SCGB1D1: variants seen among roughly 807,000 people sequenced by gnomAD.
SCGB1D1 encodes secretoglobin family 1D member 1, also known as lipophilin A (uteroglobin family member).
In SCGB1D1, 10 loss-of-function variants were observed where a neutral mutation model predicts 8.3. The observed-to-expected ratio is 1.21, with a 90% CI of 0.74 to 2.05. The LOEUF is 2.05. SCGB1D1 is among the 30% of genes most tolerant of loss of function. The pLI is 0.00. For synonymous variants in SCGB1D1, 46 were observed against 41.7 expected (o/e 1.10, Z -0.39); for missense variants, 94 against 105.1 (o/e 0.89, Z 0.46).
chr11:62,191,905 A>T, intron 1 of SCGB1D1, 151 bp from the exon 2 acceptor site: 1 of 606,972 alleles, frequency 1.6e-6, no homozygotes, highest in East Asian at 2.8e-5. Flanking sequence ...ACCTCAAGGA[A>T]GTCACAACCT....
Position 62,190,322 on chromosome 11 carries a change from C to G in SCGB1D1, c.38C>G (p.Ala13Gly). ...GTGTGTCTCCTGCTGCTCACGCTGG[C>G]CCTTTGCTGCTACCGGGGTGAGTAC... ...LSVCLLLLTL[A>G]LCCYRANAVV... Residue 13 changes from alanine (A) to glycine (G), a missense_variant, in exon 1 of 3, where the codon GCC becomes GGC. Coordinates refer to ENST00000306238, the MANE Select transcript of SCGB1D1 (RefSeq NM_006552.2). 4.3e-6 allele frequency: 7 copies of G among 1,614,180 alleles called. No individual in the cohort carries two copies. Among genetic ancestry groups the G allele is most frequent in the Non-Finnish European group, 5.9e-6 (7 of 1,180,028 alleles).
Position 62,190,223 on chromosome 11 carries a change from C to G in SCGB1D1, c.-62C>G, listed in dbSNP as rs528882794. On this transcript the variant is annotated 5_prime_UTR_variant, in exon 1 of 3. Transcript: ENST00000306238. ...TGGGCTCCACGGCTCCACAGGCTCC[C>G]GGGGCTGAGTCTAAATCACTCATCA... 3.7e-6 allele frequency: 6 copies of G among 1,607,550 alleles called. No homozygotes were observed. In the South Asian group the frequency reaches 5.5e-5, roughly 15 times the overall value.
chr11:62,190,257 A>G lies in SCGB1D1; in HGVS notation c.-28A>G, dbSNP rs1214022612. 1.2e-6 allele frequency: 2 copies of G among 1,614,076 alleles called. No homozygotes were observed. Among genetic ancestry groups the G allele is most frequent in the South Asian group, 1.1e-5 (1 of 91,070 alleles). The stretch of plus-strand genomic sequence containing the variant: ...GTCTAAATCACTCATCATTGGTTAA[A>G]GCCGAGCTCACAGCAGAATAAGCCA... On this transcript the variant is annotated 5_prime_UTR_variant, in exon 1 of 3. Coordinates refer to ENST00000306238, the MANE Select transcript of SCGB1D1 (RefSeq NM_006552.2).
intron 1 of SCGB1D1, among the ~76,000 whole-genome samples, chr11:62,191,821 TA>T (rs142639806): frequency 3.3e-5 from 5 of 149,304 alleles, no homozygotes; most frequent in East Asian, 3.9e-4. Flanking sequence ...GAGTGTGCTT[TA>T]AAAAAAAAAC....
At chr11:62,191,422 G>A (rs1409392791) in intron 1 of SCGB1D1, among the ~76,000 whole-genome samples, 1 of 152,180 alleles carries the variant, frequency 6.6e-6, no homozygotes, top group Admixed American at 6.5e-5. Flanking sequence ...AGATGCTGCT[G>A]CAGAATATGG....
Position 62,193,491 on chromosome 11 carries a change from A to G in SCGB1D1, c.*63A>G. 7.2e-7 allele frequency: 1 copy of G among 1,387,862 alleles called. No individual in the cohort carries two copies. The allele number at this position is 1,387,862 out of a possible 1,614,324, so 86.0% of individuals were successfully genotyped here. A position where few individuals can be genotyped will look rare whatever the true frequency, so the allele number is the denominator to read the frequency against. On this transcript the variant is annotated 3_prime_UTR_variant, in exon 3 of 3. Coordinates refer to ENST00000306238, the MANE Select transcript of SCGB1D1 (RefSeq NM_006552.2). The stretch of plus-strand genomic sequence containing the variant: ...TCAATGATACCCTGATCTTCACTGC[A>G]GAATGTAAAGGTTTCAACGTCTTGC...
intron 2 of SCGB1D1, 35 bp from the exon 3 acceptor site, chr11:62,193,364 G>C (rs536771504): frequency 6.2e-7 from 1 of 1,607,172 alleles, no homozygotes; most frequent in African/African-American, 1.3e-5. Context: ...CTGCATGACC[G>C]ACCTCACCTT....
Position 62,193,023 on chromosome 11 carries a change from G to C in SCGB1D1, c.244-376G>C, listed in dbSNP as rs546490034. Among the ~76,000 whole-genome samples the C allele has an allele frequency of 7.9e-5, 12 of 152,276 alleles. No individual in the cohort carries two copies. The East Asian group carries it at 1.9e-3, about 24-fold the overall frequency. On this transcript the variant is annotated intron_variant, in intron 2 of 2. Transcript: ENST00000306238. ...TGAGGCAGAATTCCCACATGGGGAG[G>C]CTGGAGTCTCCTGGAAGCCAAGCTT...
chr11:62,191,036 T>C (rs1236852880), intron 1 of SCGB1D1, among the ~76,000 whole-genome samples: 4 of 152,224 alleles, frequency 2.6e-5, no homozygotes, highest in African/African-American at 9.6e-5. Context: ...ACTACAATGG[T>C]TAGCCTCAGA....
rs773412326 is a variant in SCGB1D1 at position 62,190,323 on chromosome 11, C to T, written c.39C>T (p.Ala13=). The change falls in exon 1 of 3, where the codon GCC becomes GCT. Residue 13 remains alanine, a synonymous_variant. Coordinates refer to ENST00000306238, the MANE Select transcript of SCGB1D1 (RefSeq NM_006552.2). ...TGTGTCTCCTGCTGCTCACGCTGGC[C>T]CTTTGCTGCTACCGGGGTGAGTACA... is the stretch of plus-strand genomic sequence containing the variant. ...LSVCLLLLTL[A]LCCYRANAVV... is the part of the protein sequence containing the mutation. 2.5e-6 allele frequency: 4 copies of T among 1,614,154 alleles called. No individual in the cohort carries two copies. Among genetic ancestry groups the T allele is most frequent in the Non-Finnish European group, 3.4e-6 (4 of 1,180,016 alleles).
rs1295212404 is a variant in SCGB1D1 at position 62,193,431 on chromosome 11, T to A, written c.*3T>A. On this transcript the variant is annotated 3_prime_UTR_variant, in exon 3 of 3. Transcript: ENST00000306238. Reference sequence around the variant, plus strand: ...TAGCAGAGAAATGTGATCGCTGAGATGTAAAAAGTTTTTAATGCTAGTTTC... The same window carrying A: ...TAGCAGAGAAATGTGATCGCTGAGAAGTAAAAAGTTTTTAATGCTAGTTTC... 6.2e-7 allele frequency: 1 copy of A among 1,612,088 alleles called. No individual in the cohort carries two copies. The highest frequency in any genetic ancestry group is 1.3e-5 in the African/African-American group (1 of 74,986).
Position 62,190,356 on chromosome 11 carries a change from T to C in SCGB1D1, c.55+17T>C, listed in dbSNP as rs778823500. 3 of 1,614,140 alleles carry C rather than the reference T, an allele frequency of 1.9e-6. No individual in the cohort carries two copies. The Admixed American group carries it at 5.0e-5, about 27-fold the overall frequency. On this transcript the variant is annotated intron_variant, in intron 1 of 2. Transcript: ENST00000306238. ...GCTACCGGGGTGAGTACATCAGTCA[T>C]GAGTCCAGCACCAGCCCTTGGGACA...
rs775197954 is a variant in SCGB1D1, at chr11:62,192,262, A to G, written c.243+19A>G. ...AACATTGGTAATTTCTGTCTCTTTCATGTGTCCAGGCTTCTGGTCAGCGGC... is the reference window on the plus strand; with the variant it reads ...AACATTGGTAATTTCTGTCTCTTTCGTGTGTCCAGGCTTCTGGTCAGCGGC... On this transcript the variant is annotated intron_variant, in intron 2 of 2. Transcript: ENST00000306238. 1.3e-6 allele frequency: 2 copies of G among 1,555,942 alleles called. No homozygotes were observed. Among genetic ancestry groups the G allele is most frequent in the African/African-American group, 1.3e-5 (1 of 74,104 alleles).
intron 2 of SCGB1D1, 92 bp from the exon 3 acceptor site, chr11:62,193,307 G>A: frequency 8.5e-7 from 1 of 1,180,926 alleles, no homozygotes; most frequent in Non-Finnish European, 1.2e-6. Context: ...GTCTTTGGGA[G>A]CAGAATTCCA....
chr11:62,192,736 G>A (rs1279745431), intron 2 of SCGB1D1, among the ~76,000 whole-genome samples: 1 of 152,198 alleles, frequency 6.6e-6, no homozygotes, highest in East Asian at 1.9e-4. Flanking sequence ...TGCAGAACCA[G>A]GAAGGAGCCC....
rs1469214787 is a variant in SCGB1D1, at chr11:62,192,170, C to T, written c.170C>T (p.Ala57Val). ...TTTAAGGCACCTCTGGAAGCTGTTGCAGCCAAGATGGAAGTGAAGAAATGC... is the reference window on the plus strand; with the variant it reads ...TTTAAGGCACCTCTGGAAGCTGTTGTAGCCAAGATGGAAGTGAAGAAATGC... ...AKFKAPLEAVAAKMEVKKCVD... is the reference protein window; with the variant it reads ...AKFKAPLEAVVAKMEVKKCVD... The change falls in exon 2 of 3, where the codon GCA (alanine) becomes GTA (valine). Residue 57 changes from alanine to valine, a missense_variant. Physicochemically the swap from Ala to Val is moderately conservative, Grantham distance 64. Coordinates refer to ENST00000306238, the MANE Select transcript of SCGB1D1 (RefSeq NM_006552.2). 3 of 1,613,782 alleles carry T rather than the reference C, an allele frequency of 1.9e-6. No individual in the cohort carries two copies. The highest frequency in any genetic ancestry group is 3.3e-5 in the Admixed American group (2 of 60,000).
chr11:62,193,276 T>C (rs1590648304), intron 2 of SCGB1D1, 123 bp from the exon 3 acceptor site: 1 of 801,452 alleles, frequency 1.2e-6, no homozygotes, highest in African/African-American at 1.9e-5. Flanking sequence ...CACACTGGGT[T>C]CCTGCCTCTA....
At chr11:62,190,544 T>C (rs1622788) in intron 1 of SCGB1D1, among the ~76,000 whole-genome samples, 1 of 152,274 alleles carries the variant, frequency 6.6e-6, no homozygotes, top group African/African-American at 2.4e-5. Context: ...AGAAAATCAA[T>C]GCAGGCGAAC....
Position 62,192,171 on chromosome 11 carries a change from A to T in SCGB1D1, c.171A>T (p.Ala57=), listed in dbSNP as rs1944683270. Residue 57 remains alanine (A), a synonymous_variant, in exon 2 of 3, where the codon GCA becomes GCT. Coordinates refer to ENST00000306238, the MANE Select transcript of SCGB1D1 (RefSeq NM_006552.2). The part of the protein sequence containing the change: ...AKFKAPLEAV[A]AKMEVKKCVD... The stretch of plus-strand genomic sequence containing the variant: ...TTAAGGCACCTCTGGAAGCTGTTGC[A>T]GCCAAGATGGAAGTGAAGAAATGCG... The T allele has an allele frequency of 6.2e-7, 1 of 1,613,880 alleles. No individual in the cohort carries two copies.
Sources: gnomAD v4.1 joint callset for allele counts (sites outside exome capture counted in the v4.1 genomes callset) on GRCh38, gnomAD v4.1.1 for gene constraint, MANE v1.5 for transcripts, NCBI Gene and HGNC (gene_info 2026-07-23, HGNC 2026-07-21) for gene names.